Variants in PLA2G15 observed in about 807,000 individuals in gnomAD.
PLA2G15 encodes phospholipase A2 group XV, also known as lysosomal phospholipase A and acyltransferase.
Under a neutral mutation model 40.9 loss-of-function variants are expected in PLA2G15, and 20 were observed. The observed-to-expected ratio is 0.49, with a 90% CI of 0.34 to 0.71. The LOEUF is 0.71. Among genes scored for constraint, PLA2G15 ranks in the 30% least tolerant of loss-of-function variants. PLA2G15 has a pLI of 0.01. For missense variants in PLA2G15, 471 were observed against 541.9 expected (o/e 0.87, Z 1.30); for synonymous variants, 223 against 228.2 (o/e 0.98, Z 0.21).
intron 2 of PLA2G15, among the ~76,000 whole-genome samples, chr16:68,250,064 A>G (rs984456546): frequency 1.4e-5 from 2 of 143,160 alleles, no homozygotes; most frequent in Non-Finnish European, 3.0e-5. Flanking sequence ...GGCCTCCCCT[A>G]CCTCTCCAGC....
chr16:68,255,205 C>G lies in PLA2G15; in HGVS notation c.404-77C>G. 8.8e-7 allele frequency: 1 copy of G among 1,131,370 alleles called. No individual in the cohort carries two copies. The highest frequency in any genetic ancestry group is 1.3e-6 in the Non-Finnish European group (1 of 747,118). The allele number at this position is 1,131,370 out of a possible 1,614,324, so 70.1% of individuals were successfully genotyped here. ...TCTTCCAAGGACCTGCTAGCTGTCA[C>G]AGTCTCCATGCTGGGCATAGTGTAG... On this transcript the variant is annotated intron_variant, in intron 3 of 5. Coordinates refer to ENST00000219345, the MANE Select transcript of PLA2G15 (RefSeq NM_012320.4). This position sits in a 1 kb window ranked among gnomAD's most constrained non-coding sequence, Gnocchi z 5.9.
At position 68,245,426 on chromosome 16, in the gene PLA2G15, C is replaced by T. The variant is rs374714778; in HGVS notation, c.-1C>T. 1.1e-5 allele frequency: 17 copies of T among 1,603,686 alleles called. No homozygotes were observed. In the East Asian group the frequency reaches 2.5e-4, roughly 23 times the overall value. On this transcript the variant is annotated 5_prime_UTR_variant, in exon 1 of 6. Coordinates refer to ENST00000219345, the MANE Select transcript of PLA2G15 (RefSeq NM_012320.4). ...CGGACCTGCGGCGACCGTCGTACAC[C>T]ATGGGCCTCCACCTCCGCCCCTACC...
chr16:68,259,762 G>GCC lies in PLA2G15; in HGVS notation c.*108_*109dup, dbSNP rs954596637. On this transcript the variant is annotated 3_prime_UTR_variant, in exon 6 of 6. Coordinates refer to ENST00000219345, the MANE Select transcript of PLA2G15 (RefSeq NM_012320.4). The surrounding 1 kb of genome is among the most constrained non-coding windows in gnomAD (Gnocchi z 6.5). The stretch of plus-strand genomic sequence containing the variant: ...CAAAGTTTGTGACTCACCATTCAAG[G>GCC]CCCCGAGTCTTGGACTGTGAAGCAT... 1.6e-4 allele frequency: 171 copies of GCC among 1,049,168 alleles called. No individual in the cohort carries two copies. Among genetic ancestry groups the GCC allele is most frequent in the Non-Finnish European group, 1.2e-4 (84 of 721,814 alleles). 65.0% of individuals were successfully genotyped at this position (1,049,168 alleles called of 1,614,324 possible).
chr16:68,254,940 C>T lies in PLA2G15; in HGVS notation c.306C>T (p.Ser102=). 6.2e-7 allele frequency: 1 copy of T among 1,613,514 alleles called. No individual in the cohort carries two copies. Residue 102 remains serine (S), a synonymous_variant, in exon 3 of 6, where the codon TCC becomes TCT. Coordinates refer to ENST00000219345, the MANE Select transcript of PLA2G15 (RefSeq NM_012320.4). ...ACAGGCTGGTTTACAACAAAACATC[C>T]AGGGCCACCCAGTTTCCTGATGGTG... The part of the protein sequence containing the change: ...DNIRLVYNKT[S]RATQFPDGVD...
In PLA2G15 at chr16:68,245,549, G is replaced by A. The variant is rs766491230; in HGVS notation, c.123G>A (p.Val41=). 19 of 1,577,322 alleles carry A rather than the reference G, an allele frequency of 1.2e-5. No homozygotes were observed. Among genetic ancestry groups the A allele is most frequent in the Middle Eastern group, 1.7e-4 (1 of 6,036 alleles). Residue 41 remains valine, a synonymous_variant, in exon 1 of 6, where the codon GTG becomes GTA. Coordinates refer to ENST00000219345, the MANE Select transcript of PLA2G15 (RefSeq NM_012320.4). ...CGGCCGGACGTCACCCCCCAGTGGT[G>A]CTGGGTGAGGCACGGGTCTCGTGGT... ...ALPAGRHPPV[V]LVPGDLGNQL...
Position 68,249,315 on chromosome 16 carries a change from G to A in PLA2G15, c.153G>A (p.Leu51=), listed in dbSNP as rs1194518653. ...VLVPGDLGNQ[L]EAKLDKPTVV... ...TCCCTGGTGATTTGGGTAACCAACTGGAAGCCAAGCTGGACAAGCCGACAG... is the reference window on the plus strand; with the variant it reads ...TCCCTGGTGATTTGGGTAACCAACTAGAAGCCAAGCTGGACAAGCCGACAG... Residue 51 remains leucine (L), a synonymous_variant, in exon 2 of 6, where the codon CTG becomes CTA. Transcript: ENST00000219345. The A allele has an allele frequency of 1.2e-6, 2 of 1,614,034 alleles. No individual in the cohort carries two copies. Among genetic ancestry groups the A allele is most frequent in the East Asian group, 4.5e-5 (2 of 44,898 alleles).
intron 2 of PLA2G15, among the ~76,000 whole-genome samples, chr16:68,252,879 A>C (rs955519912): frequency 6.6e-6 from 1 of 152,168 alleles, no homozygotes; most frequent in African/African-American, 2.4e-5. Flanking sequence ...AGGGTGAGGT[A>C]AGAGGATCAC....
chr16:68,260,316 G>A lies in PLA2G15; in HGVS notation c.*659G>A, dbSNP rs2042437108. 6.5e-6 allele frequency: 1 copy of A among 153,284 alleles called. No individual in the cohort carries two copies. Among genetic ancestry groups the A allele is most frequent in the Non-Finnish European group, 1.5e-5 (1 of 68,592 alleles). The allele number at this position is 153,284 out of a possible 1,614,324, so 9.5% of individuals were successfully genotyped here. On this transcript the variant is annotated 3_prime_UTR_variant, in exon 6 of 6. Coordinates refer to ENST00000219345, the MANE Select transcript of PLA2G15 (RefSeq NM_012320.4). ...CCACTCCTACCTCCCTTACCACCAG[G>A]AGCATTCAAGCTCTGGATTGGGCAG...
rs113301815 is a variant in PLA2G15 at position 68,255,933 on chromosome 16, G to C, written c.670G>C (p.Val224Leu). The C allele has an allele frequency of 1.2e-6, 2 of 1,612,578 alleles. No individual in the cohort carries two copies. The highest frequency in any genetic ancestry group is 1.7e-6 in the Non-Finnish European group (2 of 1,179,844). Residue 224 changes from valine (V) to leucine (L), a missense_variant, in exon 5 of 6, where the codon GTG (valine) becomes CTG (leucine). Coordinates refer to ENST00000219345, the MANE Select transcript of PLA2G15 (RefSeq NM_012320.4). The surrounding 1 kb of genome is among the most constrained non-coding windows in gnomAD (Gnocchi z 5.9). ...GAAGGACAAGTATATCCGGGCCTTC[G>C]TGTCACTGGGTGCGCCCTGGGGGGG... Reference protein sequence around the residue: ...AWKDKYIRAFVSLGAPWGGVA... With the variant: ...AWKDKYIRAFLSLGAPWGGVA...
chr16:68,249,945 G>C (rs984766613), intron 2 of PLA2G15, among the ~76,000 whole-genome samples: 1 of 152,130 alleles, frequency 6.6e-6, no homozygotes, highest in African/African-American at 2.4e-5. Flanking sequence ...CTCCCAAAGT[G>C]CTGGGATTAC....
chr16:68,256,585 C>G (rs1213044686), intron 5 of PLA2G15, among the ~76,000 whole-genome samples: 1 of 151,958 alleles, frequency 6.6e-6, no homozygotes, highest in African/African-American at 2.4e-5. Context: ...GCAATCTTGT[C>G]TCACTGCAAC....
chr16:68,251,216 G>A (rs1461073149), intron 2 of PLA2G15, among the ~76,000 whole-genome samples: 5 of 152,052 alleles, frequency 3.3e-5, no homozygotes, highest in African/African-American at 4.8e-5. Context: ...CAGCTAATAA[G>A]TGGTAGAATC....
At chr16:68,253,333 C>G in intron 2 of PLA2G15, 1 of 382,082 alleles carries the variant, frequency 2.6e-6, no homozygotes, top group Non-Finnish European at 5.3e-6. Context: ...CCCACCCATA[C>G]AGCAGCCCTG....
chr16:68,248,354 G>A (rs913514396), intron 1 of PLA2G15: 1 of 152,470 alleles, frequency 6.6e-6, no homozygotes, highest in African/African-American at 2.4e-5. Context: ...AGCTATGGGT[G>A]GAAGACTTTT....
At chr16:68,254,039 A>G (rs951633063) in intron 2 of PLA2G15, among the ~76,000 whole-genome samples, 2 of 152,088 alleles carry the variant, frequency 1.3e-5, no homozygotes, top group Admixed American at 1.3e-4. Flanking sequence ...CACCTGGGAT[A>G]CGTTGGGCTG....
rs1596948434 is a variant in PLA2G15 at position 68,255,023 on chromosome 16, G to A, written c.389G>A (p.Ser130Asn). 2 of 1,611,462 alleles carry A rather than the reference G, an allele frequency of 1.2e-6. No individual in the cohort carries two copies. Among genetic ancestry groups the A allele is most frequent in the East Asian group, 2.2e-5 (1 of 44,870 alleles). The change falls in exon 3 of 6, where the codon AGC becomes AAC. Residue 130 changes from serine to asparagine, a missense_variant. Ser to Asn is a conservative substitution (Grantham distance 46). Coordinates refer to ENST00000219345, the MANE Select transcript of PLA2G15 (RefSeq NM_012320.4). The surrounding 1 kb of genome is among the most constrained non-coding windows in gnomAD (Gnocchi z 5.9). ...TTCTCACTGGAGTTCCTGGACCCCA[G>A]CAAAAGCAGCGTGGGTATGTAGCCC... ...KTFSLEFLDP[S>N]KSSVGSYFHT...
In PLA2G15 at chr16:68,255,040, A is replaced by G; in HGVS notation, c.403+3A>G. ...GGACCCCAGCAAAAGCAGCGTGGGT[A>G]TGTAGCCCTTACTCAAGGCCTCCGG... On this transcript the variant is annotated splice_donor_region_variant and intron_variant, in intron 3 of 5. Transcript: ENST00000219345. The surrounding 1 kb of genome is among the most constrained non-coding windows in gnomAD (Gnocchi z 5.9). 1 of 1,593,584 alleles carries G rather than the reference A, an allele frequency of 6.3e-7. No individual in the cohort carries two copies. Among genetic ancestry groups the G allele is most frequent in the Non-Finnish European group, 8.6e-7 (1 of 1,161,450 alleles).
At position 68,255,874 on chromosome 16, in the gene PLA2G15, C is replaced by T. The variant is rs777101572; in HGVS notation, c.611C>T (p.Thr204Met). The T allele has an allele frequency of 5.6e-5, 90 of 1,614,024 alleles. No individual in the cohort carries two copies. The highest frequency in any genetic ancestry group is 1.7e-4 in the African/African-American group (13 of 75,058). ...LVAHSMGNMY[T>M]LYFLQRQPQA... Reference sequence around the variant, plus strand: ...GCCCACAGTATGGGCAACATGTACACGCTCTACTTTCTGCAGCGGCAGCCG... The same window carrying T: ...GCCCACAGTATGGGCAACATGTACATGCTCTACTTTCTGCAGCGGCAGCCG... The change falls in exon 5 of 6, where the codon ACG becomes ATG. Residue 204 changes from threonine to methionine, a missense_variant. Transcript: ENST00000219345. This position sits in a 1 kb window ranked among gnomAD's most constrained non-coding sequence, Gnocchi z 5.9.
intron 2 of PLA2G15, 112 bp downstream of exon 2, chr16:68,249,558 C>T: frequency 9.8e-7 from 1 of 1,015,272 alleles, no homozygotes; most frequent in East Asian, 2.4e-5. Flanking sequence ...TCTCCTTCCC[C>T]AGGTCCTCGG....
Sources: allele counts gnomAD v4.1 joint callset (sites outside exome capture counted in the v4.1 genomes callset), GRCh38; gene constraint gnomAD v4.1.1; non-coding constraint Gnocchi (gnomAD v3.1); transcripts MANE v1.5; gene names NCBI Gene and HGNC (gene_info 2026-07-23, HGNC 2026-07-21).